COL5A1: variants seen among roughly 807,000 people sequenced by gnomAD.
The protein encoded by COL5A1 is collagen type V alpha 1 chain, also known as collagen alpha-1(V) chain.
In COL5A1, 16 loss-of-function variants were observed where a neutral mutation model predicts 263.7. That is an observed-to-expected ratio of 0.06 (90% confidence interval 0.04 to 0.09). The LOEUF (loss-of-function observed/expected upper bound fraction) is 0.09, where lower values mean the gene tolerates loss of function less well. COL5A1 is among the 10% of genes least tolerant of loss of function. The pLI, the probability that COL5A1 is intolerant of heterozygous loss-of-function variation, is 1.00. For synonymous variants in COL5A1, 1,012 were observed against 1,004.5 expected (o/e 1.01, Z -0.14); for missense variants, 2,036 against 2,540.5 (o/e 0.80, Z 4.27).
At chr9:134,760,061 C>T (rs1836262434) in intron 18 of COL5A1, among the ~76,000 whole-genome samples, 1 of 133,520 alleles carries the variant, frequency 7.5e-6, no homozygotes. Flanking sequence ...CACACACCCC[C>T]ACACTCATAC....
chr9:134,804,890 G>C, intron 39 of COL5A1, 85 bp from the exon 40 acceptor site: 2 of 1,172,784 alleles, frequency 1.7e-6, no homozygotes, highest in Non-Finnish European at 2.5e-6. Flanking sequence ...AAGAGAGAAG[G>C]CCCCAGCCCT....
rs765358578 is a variant in COL5A1 at position 134,773,996 on chromosome 9, G to A, written c.2332-863G>A. Among the ~76,000 whole-genome samples, 126 of 152,330 alleles carry A rather than the reference G, an allele frequency of 8.3e-4. No individual in the cohort carries two copies. In the Middle Eastern group the frequency reaches 0.024, roughly 29 times the overall value. On this transcript the variant is annotated intron_variant, in intron 26 of 65. Transcript: ENST00000371817. ...GGCACAGCCTCTTATCATCAGAGGT[G>A]GAGGCAGCACCTGGGGCCACCAGAG... is the stretch of plus-strand genomic sequence containing the variant.
In COL5A1 at chr9:134,680,842, T is replaced by A. The variant is rs1287143930; in HGVS notation, c.110-10070T>A. ...TTGGACGTTGATGGGAGCTTTTAGG[T>A]GGGTGCATGGAACCTGCTTTGGCGA... On this transcript the variant is annotated intron_variant, in intron 1 of 65. Transcript: ENST00000371817. The surrounding 1 kb of genome is among the most constrained non-coding windows in gnomAD (Gnocchi z 5.9). Among the ~76,000 whole-genome samples, 1 of 152,004 alleles carries A rather than the reference T, an allele frequency of 6.6e-6. No individual in the cohort carries two copies. The highest frequency in any genetic ancestry group is 1.5e-5 in the Non-Finnish European group (1 of 67,988).
intron 9 of COL5A1, among the ~76,000 whole-genome samples, chr9:134,733,256 G>C (rs1203771562): frequency 6.6e-6 from 1 of 152,204 alleles, no homozygotes; most frequent in African/African-American, 2.4e-5. Context: ...TTGGAACCTT[G>C]ACGGATGGCA....
At position 134,652,386 on chromosome 9, in the gene COL5A1, G is replaced by C. The variant is rs575393106; in HGVS notation, c.109+10090G>C. ...AGGAGATGCCCCAGGTGGAGCCATCGGGAGAGGGAGAGGGGGTGGGAGGGC... is the reference window on the plus strand; with the variant it reads ...AGGAGATGCCCCAGGTGGAGCCATCCGGAGAGGGAGAGGGGGTGGGAGGGC... On this transcript the variant is annotated intron_variant, in intron 1 of 65. Coordinates refer to ENST00000371817, the MANE Select transcript of COL5A1 (RefSeq NM_000093.5). This position sits in a 1 kb window ranked among gnomAD's most constrained non-coding sequence, Gnocchi z 4.4. 1.3e-5 allele frequency among the ~76,000 whole-genome samples: 2 copies of C among 151,742 alleles called. 1 individual carries two copies. The highest frequency in any genetic ancestry group is 4.8e-5 in the African/African-American group (2 of 41,360).
intron 1 of COL5A1, among the ~76,000 whole-genome samples, chr9:134,690,272 C>T (rs908004586): frequency 3.9e-5 from 6 of 151,916 alleles, no homozygotes; most frequent in African/African-American, 4.8e-5. Context: ...CCGCTGTAAA[C>T]GGTCATGGGA....
chr9:134,670,578 C>G (rs541097226), intron 1 of COL5A1, among the ~76,000 whole-genome samples: 7 of 152,122 alleles, frequency 4.6e-5, no homozygotes, highest in Non-Finnish European at 8.8e-5. Context: ...GTCTTGGAGA[C>G]CCTTTTAGGC....
intron 61 of COL5A1, among the ~76,000 whole-genome samples, chr9:134,823,884 T>C (rs1839134306): frequency 6.6e-6 from 1 of 152,086 alleles, no homozygotes; most frequent in African/African-American, 2.4e-5. Context: ...GATGTGTGTA[T>C]GGGTATGCAT....
chr9:134,718,247 C>G (rs370573586), intron 4 of COL5A1, among the ~76,000 whole-genome samples: 24 of 152,348 alleles, frequency 1.6e-4, no homozygotes, highest in African/African-American at 5.3e-4. Context: ...ACCCATCTTC[C>G]GTCGAACGTG....
intron 11 of COL5A1, among the ~76,000 whole-genome samples, chr9:134,739,119 C>T (rs1372399601): frequency 1.3e-5 from 2 of 152,228 alleles, no homozygotes; most frequent in African/African-American, 4.8e-5. Context: ...GCAGATGGCT[C>T]CGGGGCCTTT....
intron 27 of COL5A1, among the ~76,000 whole-genome samples, chr9:134,776,432 C>A (rs1837052905): frequency 6.6e-6 from 1 of 152,190 alleles, no homozygotes; most frequent in African/African-American, 2.4e-5. Context: ...AAAATTCATT[C>A]ATGACATGAG....
At chr9:134,816,651 C>G (rs1234601874) in intron 52 of COL5A1, among the ~76,000 whole-genome samples, 1 of 152,248 alleles carries the variant, frequency 6.6e-6, no homozygotes, top group Non-Finnish European at 1.5e-5. Flanking sequence ...ACAGACACCC[C>G]CAGTCCACCA....
intron 1 of COL5A1, among the ~76,000 whole-genome samples, chr9:134,687,392 G>T (rs1011987674): frequency 6.6e-6 from 1 of 152,108 alleles, no homozygotes; most frequent in African/African-American, 2.4e-5. Context: ...GGCACAGCAG[G>T]ACACCTGCTA....
Position 134,815,626 on chromosome 9 carries a change from C to T in COL5A1, c.4065C>T (p.Pro1355=), listed in dbSNP as rs61737906. Reference sequence around the variant, plus strand: ...CTGGCCCCCCCGGAGAGCCTGGCCCCGCGGTAGGTGCTCAAGAGGGCAAAG... The same window carrying T: ...CTGGCCCCCCCGGAGAGCCTGGCCCTGCGGTAGGTGCTCAAGAGGGCAAAG... ...GDPGPPGEPG[P]AGQDGPPGDK... is the part of the protein sequence containing the mutation. Residue 1355 remains proline (P), a synonymous_variant, in exon 51 of 66, where the codon CCC becomes CCT. Coordinates refer to ENST00000371817, the MANE Select transcript of COL5A1 (RefSeq NM_000093.5). The T allele has an allele frequency of 9.5e-4, 1,525 of 1,613,604 alleles. 19 individuals carry two copies. The highest frequency in any genetic ancestry group is 1.5e-3 in the African/African-American group (112 of 75,020).
rs4523334 is a variant in COL5A1 at position 134,701,406 on chromosome 9, G to A, written c.654+73G>A. On this transcript the variant is annotated intron_variant, in intron 4 of 65. Coordinates refer to ENST00000371817, the MANE Select transcript of COL5A1 (RefSeq NM_000093.5). ...CTGTGGAGCCACTGTGACTGCTGTT[G>A]GAGGAGGCTCCTCGGGCCGGGACCG... 0.028 allele frequency: 41,488 copies of A among 1,500,066 alleles called. 2,112 individuals carry two copies. The highest frequency in any genetic ancestry group is 0.22 in the African/African-American group (16,264 of 72,438). 92.9% of individuals were successfully genotyped at this position (1,500,066 alleles called of 1,614,324 possible). A position where few individuals can be genotyped will look rare whatever the true frequency, so the allele number is the denominator to read the frequency against.
chr9:134,658,666 C>T (rs1008736382), intron 1 of COL5A1, among the ~76,000 whole-genome samples: 13 of 152,294 alleles, frequency 8.5e-5, no homozygotes, highest in Admixed American at 2.0e-4. Flanking sequence ...TAATGGAAGC[C>T]GACGCCCCTC....
At chr9:134,773,886 C>A (rs1031128150) in intron 26 of COL5A1, among the ~76,000 whole-genome samples, 1 of 152,230 alleles carries the variant, frequency 6.6e-6, no homozygotes, top group Non-Finnish European at 1.5e-5. Context: ...GGGGTGAACC[C>A]TCCCCTCGGC....
intron 11 of COL5A1, among the ~76,000 whole-genome samples, chr9:134,748,965 G>A (rs1169042208): frequency 2.6e-5 from 4 of 152,228 alleles, no homozygotes; most frequent in East Asian, 3.8e-4. Context: ...GAGACTGGGC[G>A]CGGTGGCTTA....
intron 25 of COL5A1, among the ~76,000 whole-genome samples, chr9:134,769,737 C>T (rs1239926571): frequency 6.6e-6 from 1 of 151,868 alleles, no homozygotes; most frequent in Admixed American, 6.6e-5. Context: ...GGAAGGGGGG[C>T]CTGGGTGTGA....
Sources: gnomAD v4.1 joint callset for allele counts (sites outside exome capture counted in the v4.1 genomes callset) on GRCh38, gnomAD v4.1.1 for gene constraint, Gnocchi (gnomAD v3.1) non-coding constraint, MANE v1.5 for transcripts, NCBI Gene and HGNC (gene_info 2026-07-23, HGNC 2026-07-21) for gene names.